Variants in FOCAD observed in about 807,000 individuals in gnomAD.
The protein encoded by FOCAD is KIAA1797.
FOCAD carries 198 observed loss-of-function variants against 225.6 expected under a neutral mutation model. The observed-to-expected ratio is 0.88, with a 90% CI of 0.78 to 0.99. The LOEUF (loss-of-function observed/expected upper bound fraction) is 0.99, where lower values mean the gene tolerates loss of function less well. FOCAD is among the 50% of genes least tolerant of loss of function. FOCAD has a pLI of 0.00. For synonymous variants in FOCAD, 897 were observed against 755.0 expected (o/e 1.19, Z -3.08); for missense variants, 2,713 against 2,123.6 (o/e 1.28, Z -5.46).
intron 11 of FOCAD, among the ~76,000 whole-genome samples, chr9:20,806,652 T>C (rs1587245146): frequency 6.6e-6 from 1 of 152,348 alleles, no homozygotes; most frequent in South Asian, 2.1e-4. Flanking sequence ...CATTGTAAAG[T>C]ACCATGCAAA....
chr9:20,958,309 A>C (rs981975767), intron 35 of FOCAD, among the ~76,000 whole-genome samples: 6 of 151,916 alleles, frequency 3.9e-5, no homozygotes, highest in Non-Finnish European at 8.8e-5. Context: ...GACTGCTCTC[A>C]TTTGCATATA....
At chr9:20,829,400 A>G (rs572995690) in intron 15 of FOCAD, among the ~76,000 whole-genome samples, 1 of 145,944 alleles carries the variant, frequency 6.9e-6, no homozygotes, top group Admixed American at 7.1e-5. Flanking sequence ...TGTTAATACC[A>G]ACACTTTTTA....
At chr9:20,772,333 T>C (rs1333790085) in intron 8 of FOCAD, among the ~76,000 whole-genome samples, 1 of 152,228 alleles carries the variant, frequency 6.6e-6, no homozygotes, top group African/African-American at 2.4e-5. Flanking sequence ...AAGTCTAGGC[T>C]AAAGGTGTAC....
chr9:20,844,866 T>G (rs1826920563), intron 15 of FOCAD, among the ~76,000 whole-genome samples: 1 of 152,158 alleles, frequency 6.6e-6, no homozygotes, highest in Admixed American at 6.5e-5. Flanking sequence ...TTGTTTCTCT[T>G]TCGTGAAATT....
At chr9:20,808,628 G>C (rs1822718051) in intron 11 of FOCAD, among the ~76,000 whole-genome samples, 1 of 152,188 alleles carries the variant, frequency 6.6e-6, no homozygotes, top group Admixed American at 6.5e-5. Flanking sequence ...TGAGCAGGAG[G>C]AGGGAATAGA....
chr9:20,834,308 G>T (rs71478259), intron 15 of FOCAD, among the ~76,000 whole-genome samples: 4,602 of 152,052 alleles, frequency 0.03, 124 homozygotes, highest in Admixed American at 0.044. Flanking sequence ...GTGGGGGAGG[G>T]GGAGGGAGAG....
At chr9:20,944,225 C>G (rs1587685868) in intron 28 of FOCAD, among the ~76,000 whole-genome samples, 1 of 152,304 alleles carries the variant, frequency 6.6e-6, no homozygotes, top group East Asian at 1.9e-4. Flanking sequence ...TTAGTCTTTT[C>G]TCTCCTTATG....
At position 20,765,040 on chromosome 9, in the gene FOCAD, T is replaced by C. The variant is rs746134328; in HGVS notation, c.666T>C (p.Leu222=). 2 of 1,614,030 alleles carry C rather than the reference T, an allele frequency of 1.2e-6. No homozygotes were observed. Among genetic ancestry groups the C allele is most frequent in the Admixed American group, 3.3e-5 (2 of 59,978 alleles). Residue 222 remains leucine, a synonymous_variant, in exon 7 of 44, where the codon CTT becomes CTC. Coordinates refer to ENST00000338382, the MANE Select transcript of FOCAD (RefSeq NM_001375567.1). ...CATCAATACTGGAACAGCAGATACT[T>C]CAACTGTGTTGTGACATAGTTCCAT... The part of the protein sequence containing the change: ...DQPSILEQQI[L]QLCCDIVPCL...
At chr9:20,846,426 G>T (rs1211243935) in intron 15 of FOCAD, among the ~76,000 whole-genome samples, 2 of 152,108 alleles carry the variant, frequency 1.3e-5, no homozygotes, top group Non-Finnish European at 1.5e-5. Flanking sequence ...GACTTTGTCA[G>T]CTCCAGCCCC....
At chr9:20,671,709 G>T (rs1759748721) in intron 2 of FOCAD, among the ~76,000 whole-genome samples, 1 of 152,040 alleles carries the variant, frequency 6.6e-6, no homozygotes, top group South Asian at 2.1e-4. Context: ...TATGCTCCTG[G>T]CAGGCAAAAA....
At chr9:20,763,764 C>T (rs1033171859) in intron 6 of FOCAD, among the ~76,000 whole-genome samples, 3 of 152,068 alleles carry the variant, frequency 2.0e-5, no homozygotes, top group Non-Finnish European at 4.4e-5. Context: ...TAAACAGAGG[C>T]CAAATGATGG....
At chr9:20,937,488 C>T (rs1266124148) in intron 28 of FOCAD, among the ~76,000 whole-genome samples, 2 of 151,858 alleles carry the variant, frequency 1.3e-5, no homozygotes, top group Non-Finnish European at 2.9e-5. Flanking sequence ...AAAGGATTCC[C>T]TATTTAATAA....
At chr9:20,856,138 G>A (rs983767291) in intron 15 of FOCAD, among the ~76,000 whole-genome samples, 1 of 151,732 alleles carries the variant, frequency 6.6e-6, no homozygotes, top group Non-Finnish European at 1.5e-5. Flanking sequence ...GGATCATATG[G>A]CAGTTCTATT....
At chr9:20,766,328 C>T (rs1830050088) in intron 7 of FOCAD, among the ~76,000 whole-genome samples, 1 of 152,174 alleles carries the variant, frequency 6.6e-6, no homozygotes, top group East Asian at 1.9e-4. Flanking sequence ...TTTAACAAAT[C>T]AGCTTTATTA....
In FOCAD at chr9:20,810,123, C is replaced by T. The variant is rs116778568; in HGVS notation, c.1456-9673C>T. 4.2e-3 allele frequency among the ~76,000 whole-genome samples: 638 copies of T among 152,196 alleles called. 4 individuals are homozygous for T. Among genetic ancestry groups the T allele is most frequent in the African/African-American group, 0.015 (616 of 41,540 alleles). ...AAGGAAAAGGTTCATGAGGCAAAGT[C>T]AAGAAGACATCAAGTGCAAACTTCC... On this transcript the variant is annotated intron_variant, in intron 11 of 43. Coordinates refer to ENST00000338382, the MANE Select transcript of FOCAD (RefSeq NM_001375567.1).
At chr9:20,731,841 T>A (rs1383374478) in intron 4 of FOCAD, among the ~76,000 whole-genome samples, 1 of 152,170 alleles carries the variant, frequency 6.6e-6, no homozygotes, top group East Asian at 1.9e-4. Context: ...GGTCTCGAAC[T>A]CCCAACCTCA....
chr9:20,782,968 T>C (rs1819529323), intron 10 of FOCAD, among the ~76,000 whole-genome samples: 1 of 152,186 alleles, frequency 6.6e-6, no homozygotes, highest in Non-Finnish European at 1.5e-5. Context: ...AGAGAGAAGT[T>C]CTTGCATCAG....
At position 20,720,423 on chromosome 9, in the gene FOCAD, A is replaced by G. The variant is rs764916026; in HGVS notation, c.176A>G (p.Asn59Ser). The G allele has an allele frequency of 2.4e-5, 38 of 1,613,920 alleles. No homozygotes were observed. Among genetic ancestry groups the G allele is most frequent in the African/African-American group, 9.3e-5 (7 of 74,880 alleles). Residue 59 changes from asparagine (N) to serine (S), a missense_variant, in exon 4 of 44, where the codon AAT (asparagine) becomes AGT (serine). Transcript: ENST00000338382. Reference sequence around the variant, plus strand: ...CTGTGGGAGAAGTGTTGCAGTGACAATGTAGTGGTTCGAACAGCCTGCTGT... The same window carrying G: ...CTGTGGGAGAAGTGTTGCAGTGACAGTGTAGTGGTTCGAACAGCCTGCTGT... ...NLLWEKCCSD[N>S]VVVRTACCEG...
intron 35 of FOCAD, among the ~76,000 whole-genome samples, chr9:20,953,418 C>G (rs11792460): frequency 2.0e-5 from 3 of 152,220 alleles, no homozygotes; most frequent in Non-Finnish European, 4.4e-5. Flanking sequence ...GGTGCAGTTT[C>G]TATCCCGGGA....
Sources: gnomAD v4.1 joint callset for allele counts (sites outside exome capture counted in the v4.1 genomes callset) on GRCh38, gnomAD v4.1.1 for gene constraint, MANE v1.5 for transcripts, NCBI Gene and HGNC (gene_info 2026-07-23, HGNC 2026-07-21) for gene names.